DOCK5: variants seen among roughly 807,000 people sequenced by gnomAD.
DOCK5 encodes dedicator of cytokinesis 5, also known as dedicator of cytokinesis protein 5.
In DOCK5, 142 loss-of-function variants were observed where a neutral mutation model predicts 251.8. The observed-to-expected ratio is 0.56, with a 90% CI of 0.49 to 0.65. DOCK5 has a LOEUF of 0.65. Among genes scored for constraint, DOCK5 ranks in the 30% least tolerant of loss-of-function variants. The probability of loss-of-function intolerance (pLI) is 0.00; values close to 1 mark genes in which losing one functional copy is unlikely to be tolerated. For missense variants in DOCK5, 2,111 were observed against 2,312.3 expected (o/e 0.91, Z 1.79); for synonymous variants, 842 against 835.5 (o/e 1.01, Z -0.13).
At chr8:25,246,278 T>A (rs1803104993) in intron 2 of DOCK5, among the ~76,000 whole-genome samples, 1 of 152,048 alleles carries the variant, frequency 6.6e-6, no homozygotes. Flanking sequence ...TTGTTGTTGT[T>A]TTTTGTATTT....
intron 47 of DOCK5, among the ~76,000 whole-genome samples, chr8:25,403,116 G>A (rs1264613840): frequency 1.3e-5 from 2 of 152,144 alleles, no homozygotes. Context: ...GACATTTCTA[G>A]AGAACATAGG....
intron 27 of DOCK5, among the ~76,000 whole-genome samples, chr8:25,356,906 A>ATT (rs1563214089): frequency 9.8e-6 from 1 of 102,126 alleles, no homozygotes; most frequent in African/African-American, 3.9e-5. Flanking sequence ...CTATATGAAG[A>ATT]TTATATATAT....
intron 3 of DOCK5, chr8:25,270,668 G>A (rs933554081): frequency 2.2e-6 from 1 of 449,584 alleles, no homozygotes; most frequent in African/African-American, 2.0e-5. Flanking sequence ...TTCAACCAAG[G>A]TCCTAGATCA....
chr8:25,216,059 A>G (rs866529591), intron 1 of DOCK5, among the ~76,000 whole-genome samples: 8 of 151,852 alleles, frequency 5.3e-5, no homozygotes, highest in South Asian at 4.1e-4. Context: ...ATATATGTAT[A>G]CAATATGTCT....
intron 1 of DOCK5, among the ~76,000 whole-genome samples, chr8:25,195,279 A>T (rs377677749): frequency 0.014 from 1,585 of 112,540 alleles, 33 homozygotes; most frequent in African/African-American, 0.06. Context: ...TTTTTTTAAG[A>T]TGGGCATCTT....
chr8:25,314,971 C>T (rs903501680), intron 13 of DOCK5, among the ~76,000 whole-genome samples: 2 of 148,980 alleles, frequency 1.3e-5, no homozygotes, highest in East Asian at 4.1e-4. Context: ...GGACAACTGC[C>T]GTAGCTTCCT....
chr8:25,332,745 C>A, intron 20 of DOCK5, 53 bp downstream of exon 20: 2 of 1,295,726 alleles, frequency 1.5e-6, no homozygotes, highest in South Asian at 2.7e-5. Flanking sequence ...TTGTAGTTTT[C>A]AATATTTCAC....
chr8:25,213,148 C>T (rs181834036), intron 1 of DOCK5, among the ~76,000 whole-genome samples: 2 of 151,630 alleles, frequency 1.3e-5, no homozygotes, highest in African/African-American at 4.8e-5. Context: ...GCTCAGTGGG[C>T]GTCTAATCAA....
chr8:25,324,078 C>T (rs558272272), intron 17 of DOCK5, 127 bp downstream of exon 17: 1 of 1,092,326 alleles, frequency 9.2e-7, no homozygotes, highest in African/African-American at 1.6e-5. Context: ...CCATTAACAT[C>T]TAGAAACCCA....
In DOCK5 at chr8:25,318,110, A is replaced by T. The variant is rs995805892; in HGVS notation, c.1443+979A>T. ...TTGTTGCTGTTGTTGTTGTTGTTTGATGGAGTCTTGCACTGTCACCCAGGA... is the reference window on the plus strand; with the variant it reads ...TTGTTGCTGTTGTTGTTGTTGTTTGTTGGAGTCTTGCACTGTCACCCAGGA... On this transcript the variant is annotated intron_variant, in intron 14 of 51. Transcript: ENST00000276440. Among the ~76,000 whole-genome samples, 4 of 151,676 alleles carry T rather than the reference A, an allele frequency of 2.6e-5. 1 individual carries two copies. The highest frequency in any genetic ancestry group is 1.5e-5 in the Non-Finnish European group (1 of 67,942).
At chr8:25,304,426 A>G in intron 11 of DOCK5, 99 bp downstream of exon 11, 1 of 1,033,232 alleles carries the variant, frequency 9.7e-7, no homozygotes, top group Non-Finnish European at 1.4e-6. Flanking sequence ...ATTTTCTCAG[A>G]GAAGGAAAGA....
At position 25,410,144 on chromosome 8, in the gene DOCK5, C is replaced by G. The variant is rs1329059598; in HGVS notation, c.5450C>G (p.Pro1817Arg). 1 of 1,613,462 alleles carries G rather than the reference C, an allele frequency of 6.2e-7. No homozygotes were observed. The highest frequency in any genetic ancestry group is 1.3e-5 in the African/African-American group (1 of 74,822). The change falls in exon 51 of 52, where the codon CCA (proline) becomes CGA (arginine). Residue 1817 changes from proline to arginine, a missense_variant. By Grantham distance (103) the Pro-to-Arg change is moderately radical. Transcript: ENST00000276440. Reference protein sequence around the residue: ...QTDGIAATPVPPPPPPKSKPY... With the variant: ...QTDGIAATPVRPPPPPKSKPY... ...GATGGAATCGCGGCCACTCCTGTCC[C>G]ACCTCCACCTCCCCCCAAAAGCAAG... is the stretch of plus-strand genomic sequence containing the variant.
intron 1 of DOCK5, among the ~76,000 whole-genome samples, chr8:25,185,566 G>A (rs1801411244): frequency 6.6e-6 from 1 of 152,166 alleles, no homozygotes; most frequent in Admixed American, 6.5e-5. Context: ...GGGGTGGCTG[G>A]CCCCTGGGGC....
chr8:25,290,871 A>G (rs913238279), intron 5 of DOCK5, among the ~76,000 whole-genome samples: 4 of 152,240 alleles, frequency 2.6e-5, no homozygotes, highest in African/African-American at 9.6e-5. Context: ...TGAAGTTTCA[A>G]GGTAGAGACA....
rs536689786 is a variant in DOCK5, at chr8:25,220,171, GTTCCT to G, written c.44-23485_44-23481del. On this transcript the variant is annotated intron_variant, in intron 1 of 51. Coordinates refer to ENST00000276440, the MANE Select transcript of DOCK5 (RefSeq NM_024940.8). ...GCCAGGTTTTGTTTTGTTTCGTTTC[GTTCCT>G]TTCCTTTCCTTTCCTTTTCTTTGTG... is the stretch of plus-strand genomic sequence containing the variant. Among the ~76,000 whole-genome samples, 610 of 150,946 alleles carry G rather than the reference GTTCCT, an allele frequency of 4.0e-3. 2 individuals are homozygous for G. Among genetic ancestry groups the G allele is most frequent in the Admixed American group, 8.4e-3 (127 of 15,138 alleles).
chr8:25,197,350 G>A (rs372901455), intron 1 of DOCK5, among the ~76,000 whole-genome samples: 2 of 152,164 alleles, frequency 1.3e-5, no homozygotes, highest in Non-Finnish European at 2.9e-5. Context: ...TCTGAATGCT[G>A]GCAGCCACTT....
chr8:25,198,157 CTGATGGGTT>C (rs1047317461), intron 1 of DOCK5, among the ~76,000 whole-genome samples: 5 of 152,202 alleles, frequency 3.3e-5, no homozygotes, highest in Admixed American at 2.6e-4. Context: ...ATGCACCCTC[CTGATGGGTT>C]TGTTACCTGT....
At chr8:25,323,304 C>T (rs1474894653) in intron 16 of DOCK5, among the ~76,000 whole-genome samples, 1 of 152,224 alleles carries the variant, frequency 6.6e-6, no homozygotes, top group African/African-American at 2.4e-5. Flanking sequence ...GAATAAATAT[C>T]TTGCAGAGCC....
intron 9 of DOCK5, among the ~76,000 whole-genome samples, 183 bp from the exon 10 acceptor site, chr8:25,302,141 GT>G (rs1804782163): frequency 1.3e-5 from 2 of 152,176 alleles, no homozygotes; most frequent in Admixed American, 6.5e-5. Flanking sequence ...CAAGCACAAA[GT>G]CATGTTTTCT....
Sources: gnomAD v4.1 joint callset for allele counts (sites outside exome capture counted in the v4.1 genomes callset) on GRCh38, gnomAD v4.1.1 for gene constraint, MANE v1.5 for transcripts, NCBI Gene and HGNC (gene_info 2026-07-23, HGNC 2026-07-21) for gene names.